The following CLPTM1 variants were observed in gnomAD, a reference collection of about 807,000 sequenced individuals.
CLPTM1 encodes putative lipid scramblase CLPTM1.
In CLPTM1, 21 loss-of-function variants were observed where a neutral mutation model predicts 77.3. The ratio of observed to expected loss-of-function variants is 0.27; its 90% CI spans 0.19 to 0.39. CLPTM1 has a LOEUF of 0.39. Ranked by LOEUF, CLPTM1 falls within the 10% of genes least tolerant of loss-of-function variation. The pLI, the probability that CLPTM1 is intolerant of heterozygous loss-of-function variation, is 1.00. For synonymous variants in CLPTM1, 373 were observed against 381.0 expected (o/e 0.98, Z 0.24); for missense variants, 642 against 921.2 (o/e 0.70, Z 3.92).
chr19:44,992,700 C>T lies in CLPTM1; in HGVS notation c.1813C>T (p.Pro605Ser). 1.2e-6 allele frequency: 2 copies of T among 1,613,712 alleles called. No individual in the cohort carries two copies. Among genetic ancestry groups the T allele is most frequent in the Non-Finnish European group, 1.7e-6 (2 of 1,179,878 alleles). The change falls in exon 14 of 14, where the codon CCC becomes TCC. Residue 605 changes from proline to serine, a missense_variant. By Grantham distance (74) the Pro-to-Ser change is moderately conservative. Around this residue, in one of 2 missense-constraint regions of CLPTM1, gnomAD observed 521 missense variants for 800.4 expected, o/e 0.65. Transcript: ENST00000337392. The surrounding 1 kb of genome is among the most constrained non-coding windows in gnomAD (Gnocchi z 7.7). ...CGAGTTTGGCATGAGTGGAGAAGACCCCACAGCTGCCGCCCCCGTGGCCGA... is the reference window on the plus strand; with the variant it reads ...CGAGTTTGGCATGAGTGGAGAAGACTCCACAGCTGCCGCCCCCGTGGCCGA... ...VNEFGMSGED[P>S]TAAAPVAEVP...
chr19:44,975,994 C>G (rs528257760), intron 4 of CLPTM1, among the ~76,000 whole-genome samples: 1 of 152,304 alleles, frequency 6.6e-6, no homozygotes, highest in African/African-American at 2.4e-5. Context: ...TCCCAAGTAG[C>G]TGGGACAACA....
At chr19:44,961,017 T>G (rs951688830) in intron 1 of CLPTM1, among the ~76,000 whole-genome samples, 1 of 152,158 alleles carries the variant, frequency 6.6e-6, no homozygotes, top group Non-Finnish European at 1.5e-5. Flanking sequence ...TGACCTTCTG[T>G]GTCTGAGTGA....
chr19:44,990,632 G>T lies in CLPTM1; in HGVS notation c.1323+47G>T. ...GTCTCGGGAGCTGCAGGGGTTGGGAGGGGGTAGTGTGGCCCAGCTGGACCC... is the reference window on the plus strand; with the variant it reads ...GTCTCGGGAGCTGCAGGGGTTGGGATGGGGTAGTGTGGCCCAGCTGGACCC... On this transcript the variant is annotated intron_variant, in intron 10 of 13. Coordinates refer to ENST00000337392, the MANE Select transcript of CLPTM1 (RefSeq NM_001294.4). The surrounding 1 kb of genome is among the most constrained non-coding windows in gnomAD (Gnocchi z 4.8). 1 of 1,596,774 alleles carries T rather than the reference G, an allele frequency of 6.3e-7. No homozygotes were observed. Among genetic ancestry groups the T allele is most frequent in the Non-Finnish European group, 8.6e-7 (1 of 1,168,404 alleles).
chr19:44,992,705 A>T lies in CLPTM1; in HGVS notation c.1818A>T (p.Thr606=). Residue 606 remains threonine (T), a synonymous_variant, in exon 14 of 14, where the codon ACA becomes ACT. Transcript: ENST00000337392. This position sits in a 1 kb window ranked among gnomAD's most constrained non-coding sequence, Gnocchi z 7.7. ...NEFGMSGEDP[T]AAAPVAEVPT... is the part of the protein sequence containing the mutation. Reference sequence around the variant, plus strand: ...TTGGCATGAGTGGAGAAGACCCCACAGCTGCCGCCCCCGTGGCCGAGGTTC... The same window carrying T: ...TTGGCATGAGTGGAGAAGACCCCACTGCTGCCGCCCCCGTGGCCGAGGTTC... 1 of 1,613,714 alleles carries T rather than the reference A, an allele frequency of 6.2e-7. No homozygotes were observed. The highest frequency in any genetic ancestry group is 1.1e-5 in the South Asian group (1 of 91,074).
chr19:44,986,583 C>A lies in CLPTM1; in HGVS notation c.793+8C>A. On this transcript the variant is annotated splice_region_variant and intron_variant, in intron 7 of 13. Transcript: ENST00000337392. The stretch of plus-strand genomic sequence containing the variant: ...CCCCTCCCCTGGATCAATGTAAGCT[C>A]CCCAGCCCTGCCAGCTGCCTGCAGA... The A allele has an allele frequency of 6.2e-7, 1 of 1,612,926 alleles. No individual in the cohort carries two copies.
chr19:44,954,729 C>A, upstream of CLPTM1: 1 of 1,236,144 alleles, frequency 8.1e-7, no homozygotes, highest in South Asian at 2.1e-5. Context: ...AACGCGCATG[C>A]GTGCTAGGCA....
At chr19:44,954,988 T>A (rs1970434280), upstream of CLPTM1, 5 of 1,535,562 alleles carry the variant, frequency 3.3e-6, no homozygotes, top group Non-Finnish European at 4.4e-6. Flanking sequence ...AGCCGTACAG[T>A]GGCCGGTAAA....
At chr19:44,986,821 A>G (rs1970986094) in intron 7 of CLPTM1, 4 of 544,964 alleles carry the variant, frequency 7.3e-6, no homozygotes, top group Admixed American at 3.6e-5. Context: ...CCAGCCCACA[A>G]ACTGTTTTCA....
intron 1 of CLPTM1, among the ~76,000 whole-genome samples, chr19:44,960,765 C>T (rs951646139): frequency 3.3e-5 from 5 of 152,148 alleles, no homozygotes; most frequent in Non-Finnish European, 5.9e-5. Context: ...CCTGAGCGTC[C>T]GGGGTGAGTC....
In CLPTM1 at chr19:44,992,643, T is replaced by C. The variant is rs916956070; in HGVS notation, c.1756T>C (p.Trp586Arg). 6.2e-7 allele frequency: 1 copy of C among 1,613,668 alleles called. No homozygotes were observed. The highest frequency in any genetic ancestry group is 8.5e-7 in the Non-Finnish European group (1 of 1,179,868). ...VVFFIYLYQR[W>R]IYRVDPTRVN... ...TTTCTTCATCTACCTCTACCAACGG[T>C]GGATCTACCGCGTCGACCCCACCCG... Residue 586 changes from tryptophan to arginine, a missense_variant, in exon 14 of 14, where the codon TGG becomes CGG. Around this residue, in one of 2 missense-constraint regions of CLPTM1, gnomAD observed 521 missense variants for 800.4 expected, o/e 0.65. Transcript: ENST00000337392. This position sits in a 1 kb window ranked among gnomAD's most constrained non-coding sequence, Gnocchi z 7.7.
chr19:44,988,237 T>TCCTCCTCCCCTC (rs1971014340), intron 9 of CLPTM1, 64 bp downstream of exon 9: 7 of 1,167,530 alleles, frequency 6.0e-6, no homozygotes, highest in Non-Finnish European at 9.1e-6. Context: ...CCTGCCCCCT[T>TCCTCCTCCCCTC]CCTCCTCCCC....
intron 5 of CLPTM1, among the ~76,000 whole-genome samples, chr19:44,981,006 G>A (rs957597545): frequency 5.9e-5 from 9 of 151,474 alleles, no homozygotes; most frequent in African/African-American, 2.2e-4. Flanking sequence ...CCCGGCTAAT[G>A]GTTTTTTTGT....
chr19:44,989,401 T>C (rs1031097887), intron 9 of CLPTM1, among the ~76,000 whole-genome samples: 2 of 152,030 alleles, frequency 1.3e-5, no homozygotes, highest in African/African-American at 4.8e-5. Context: ...GCACCAGTGC[T>C]GTGTGGCCTC....
chr19:44,969,976 C>G (rs1416082348), intron 2 of CLPTM1, among the ~76,000 whole-genome samples: 1 of 147,598 alleles, frequency 6.8e-6, no homozygotes, highest in Non-Finnish European at 1.5e-5. Flanking sequence ...CACGCCCAGC[C>G]TCGTTTTGGT....
chr19:44,972,959 G>A (rs1970745093), intron 2 of CLPTM1, 128 bp from the exon 3 acceptor site: 1 of 1,305,592 alleles, frequency 7.7e-7, no homozygotes, highest in Non-Finnish European at 1.1e-6. Flanking sequence ...ACCTTCTCAG[G>A]GCCTCCCTGA....
chr19:44,991,504 C>A lies in CLPTM1; in HGVS notation c.1555+131C>A. 9.1e-7 allele frequency: 1 copy of A among 1,102,044 alleles called. No homozygotes were observed. Among genetic ancestry groups the A allele is most frequent in the South Asian group, 1.5e-5 (1 of 67,760 alleles). The allele number at this position is 1,102,044 out of a possible 1,614,324, so 68.3% of individuals were successfully genotyped here. A position where few individuals can be genotyped will look rare whatever the true frequency, so the allele number is the denominator to read the frequency against. ...GGGCAGAGCTGGGATATAGGGAGGC[C>A]CGAGGGCACACATGGCCCCATCTGG... On this transcript the variant is annotated intron_variant, in intron 12 of 13. Transcript: ENST00000337392. This position sits in a 1 kb window ranked among gnomAD's most constrained non-coding sequence, Gnocchi z 5.4.
upstream of CLPTM1, chr19:44,955,318 T>C: frequency 7.3e-7 from 1 of 1,371,718 alleles, no homozygotes; most frequent in Non-Finnish European, 9.4e-7. Context: ...TAGGAAAGCG[T>C]GAAATCTCGC....
chr19:44,986,440 C>A lies in CLPTM1; in HGVS notation c.673-15C>A. On this transcript the variant is annotated splice_polypyrimidine_tract_variant and intron_variant, in intron 6 of 13. Coordinates refer to ENST00000337392, the MANE Select transcript of CLPTM1 (RefSeq NM_001294.4). Reference sequence around the variant, plus strand: ...TCCACCTGCCTCTGAGGTCCTTCCCCCCATGTTGCCTCAGAGGGCTGAGGA... The same window carrying A: ...TCCACCTGCCTCTGAGGTCCTTCCCACCATGTTGCCTCAGAGGGCTGAGGA... The A allele has an allele frequency of 6.2e-7, 1 of 1,613,180 alleles. No individual in the cohort carries two copies. The highest frequency in any genetic ancestry group is 8.5e-7 in the Non-Finnish European group (1 of 1,179,480).
intron 5 of CLPTM1, among the ~76,000 whole-genome samples, chr19:44,980,813 A>T (rs561919359): frequency 6.6e-6 from 1 of 151,356 alleles, no homozygotes; most frequent in African/African-American, 2.4e-5. Flanking sequence ...ATTTTATTTT[A>T]TTTATTTTAT....
Sources: allele counts gnomAD v4.1 joint callset (sites outside exome capture counted in the v4.1 genomes callset), GRCh38; gene constraint gnomAD v4.1.1; regional missense constraint gnomAD v4.1.1; non-coding constraint Gnocchi (gnomAD v3.1); transcripts MANE v1.5; gene names NCBI Gene and HGNC (gene_info 2026-07-23, HGNC 2026-07-21).